Variants in PLXND1 observed in about 807,000 individuals in gnomAD.
PLXND1 encodes the protein plexin-D1.
PLXND1 carries 54 observed loss-of-function variants against 197.7 expected under a neutral mutation model. The ratio of observed to expected loss-of-function variants is 0.27; its 90% CI spans 0.22 to 0.34. PLXND1 has a LOEUF of 0.34. PLXND1 is among the 10% of genes least tolerant of loss of function. The pLI is 1.00. For synonymous variants in PLXND1, 1,180 were observed against 1,161.2 expected (o/e 1.02, Z -0.33); for missense variants, 2,127 against 2,699.2 (o/e 0.79, Z 4.70).
chr3:129,556,390 C>G lies in PLXND1; in HGVS notation c.5700G>C (p.Arg1900Ser). The G allele has an allele frequency of 6.2e-7, 1 of 1,614,210 alleles. No individual in the cohort carries two copies. Among genetic ancestry groups the G allele is most frequent in the South Asian group, 1.1e-5 (1 of 91,076 alleles). Reference protein sequence around the residue: ...AALEANPTARRTQLQHKFEQV... With the variant: ...AALEANPTARSTQLQHKFEQV... ...GCTCAAACTTGTGCTGCAGTTGTGT[C>G]CTCCGGGCCGTGGGGTTGGCCTCCA... Residue 1900 changes from arginine (R) to serine (S), a missense_variant, in exon 36 of 36, where the codon AGG (arginine) becomes AGC (serine). By Grantham distance (110) the Arg-to-Ser change is moderately radical. Coordinates refer to ENST00000324093, the MANE Select transcript of PLXND1 (RefSeq NM_015103.3).
At position 129,557,109 on chromosome 3, in the gene PLXND1, T is replaced by C; in HGVS notation, c.5560A>G (p.Asn1854Asp). Reference protein sequence around the residue: ...DMTPLSEQEMNAHLAEESRKY... With the variant: ...DMTPLSEQEMDAHLAEESRKY... ...CTCGACTCCTCGGCCAGATGGGCAT[T>C]CATCTCTTGCTCGCTGAGCGGCGTC... is the stretch of plus-strand genomic sequence containing the variant. Residue 1854 changes from asparagine (N) to aspartate (D), a missense_variant, in exon 34 of 36, where the codon AAT becomes GAT. By Grantham distance (23) the Asn-to-Asp change is conservative. Around this residue, in one of 6 missense-constraint regions of PLXND1, gnomAD observed 200 missense variants for 303.3 expected, o/e 0.66. Coordinates refer to ENST00000324093, the MANE Select transcript of PLXND1 (RefSeq NM_015103.3). The surrounding 1 kb of genome is among the most constrained non-coding windows in gnomAD (Gnocchi z 4.8). The C allele has an allele frequency of 6.2e-7, 1 of 1,614,084 alleles. No homozygotes were observed. Among genetic ancestry groups the C allele is most frequent in the Non-Finnish European group, 8.5e-7 (1 of 1,180,022 alleles).
chr3:129,586,824 C>T (rs932545166), intron 2 of PLXND1, 105 bp from the exon 3 acceptor site: 1 of 1,355,184 alleles, frequency 7.4e-7, no homozygotes, highest in African/African-American at 1.4e-5. Context: ...CCCATCCTGT[C>T]TTGGACCCTT....
intron 30 of PLXND1, 95 bp from the exon 31 acceptor site, chr3:129,560,529 GCTGTGGTT>G: frequency 1.0e-6 from 1 of 994,338 alleles, no homozygotes; most frequent in Non-Finnish European, 1.6e-6. Context: ...GCACACAAGG[GCTGTGGTT>G]CCCTCCTGAT....
In PLXND1 at chr3:129,570,834, G is replaced by A. The variant is rs759997113; in HGVS notation, c.3702C>T (p.Cys1234=). The A allele has an allele frequency of 1.9e-6, 3 of 1,614,212 alleles. No individual in the cohort carries two copies. The East Asian group carries it at 6.7e-5, about 36-fold the overall frequency. ...CCGCGCCCAGGGACTCGTTGACCGA[G>A]CAGTGGATGATTCTGTCAGAGACAA... ...IQIVSDRIIH[C]SVNESLGAAV... The change falls in exon 19 of 36, where the codon TGC becomes TGT. Residue 1234 remains cysteine (C), a synonymous_variant. Coordinates refer to ENST00000324093, the MANE Select transcript of PLXND1 (RefSeq NM_015103.3).
intron 1 of PLXND1, among the ~76,000 whole-genome samples, chr3:129,602,344 T>G (rs2085721505): frequency 6.6e-6 from 1 of 152,138 alleles, no homozygotes; most frequent in African/African-American, 2.4e-5. Context: ...GCAGACCCCC[T>G]CGAGCCTGCT....
intron 4 of PLXND1, 43 bp downstream of exon 4, chr3:129,586,129 C>A (rs745992570): frequency 1.2e-6 from 2 of 1,612,034 alleles, no homozygotes; most frequent in South Asian, 2.2e-5. Context: ...CCTCCCACCC[C>A]CACAGCCCTC....
At chr3:129,570,695 T>A in intron 19 of PLXND1, 91 bp downstream of exon 19, 1 of 1,294,198 alleles carries the variant, frequency 7.7e-7, no homozygotes, top group Non-Finnish European at 1.1e-6. Context: ...AAACGCTCAG[T>A]GAATTCAGGT....
In PLXND1 at chr3:129,573,690, C is replaced by T; in HGVS notation, c.2741G>A (p.Arg914Lys). The T allele has an allele frequency of 1.9e-6, 3 of 1,613,792 alleles. No homozygotes were observed. Among genetic ancestry groups the T allele is most frequent in the Non-Finnish European group, 2.5e-6 (3 of 1,180,024 alleles). The change falls in exon 13 of 36, where the codon AGG becomes AAG. Residue 914 changes from arginine to lysine, a missense_variant. Coordinates refer to ENST00000324093, the MANE Select transcript of PLXND1 (RefSeq NM_015103.3). ...GTCACTGAGCCGCCGGCCCAGGTTC[C>T]TTCCTCGGATGGTCAGCAGGGTCCC... is the stretch of plus-strand genomic sequence containing the variant. ...DGGTLLTIRG[R>K]NLGRRLSDVA...
At chr3:129,569,762 T>C (rs2085195755) in intron 20 of PLXND1, 81 bp downstream of exon 20, 2 of 786,192 alleles carry the variant, frequency 2.5e-6, no homozygotes, top group Admixed American at 3.8e-5. Flanking sequence ...TCCTGCCTTC[T>C]CCCATCTGCC....
In PLXND1 at chr3:129,557,524, A is replaced by C. The variant is rs1177009892; in HGVS notation, c.5446-301T>G. Among the ~76,000 whole-genome samples, 2 of 152,084 alleles carry C rather than the reference A, an allele frequency of 1.3e-5. No homozygotes were observed. The highest frequency in any genetic ancestry group is 2.9e-5 in the Non-Finnish European group (2 of 68,030). The stretch of plus-strand genomic sequence containing the variant: ...CACGGGCATGCCAGCTCTTCACTGC[A>C]CGCAGCCCATTCCACGTAACAAGGA... On this transcript the variant is annotated intron_variant, in intron 33 of 35. Coordinates refer to ENST00000324093, the MANE Select transcript of PLXND1 (RefSeq NM_015103.3). The surrounding 1 kb of genome is among the most constrained non-coding windows in gnomAD (Gnocchi z 4.8).
At chr3:129,572,521 G>A (rs1454612751) in intron 15 of PLXND1, 88 bp downstream of exon 15, 3 of 1,198,898 alleles carry the variant, frequency 2.5e-6, no homozygotes, top group African/African-American at 3.1e-5. Flanking sequence ...AGAGAGGCTT[G>A]GCTCAAGGAT....
intron 1 of PLXND1, among the ~76,000 whole-genome samples, chr3:129,595,612 G>A (rs2085608772): frequency 1.3e-5 from 2 of 152,196 alleles, no homozygotes; most frequent in Admixed American, 1.3e-4. Context: ...GGACACAGCA[G>A]CTCTGGCAGA....
Position 129,556,238 on chromosome 3 carries a change from G to T in PLXND1, c.*74C>A. On this transcript the variant is annotated 3_prime_UTR_variant, in exon 36 of 36. Coordinates refer to ENST00000324093, the MANE Select transcript of PLXND1 (RefSeq NM_015103.3). ...TTTCCCAGTCTGAGTCACAGGCACG[G>T]GGTAGAAGATCAAGTTGAGGCCCAG... 1.0e-6 allele frequency: 1 copy of T among 985,428 alleles called. No individual in the cohort carries two copies. The highest frequency in any genetic ancestry group is 1.6e-6 in the Non-Finnish European group (1 of 615,368). 61.0% of individuals were successfully genotyped at this position (985,428 alleles called of 1,614,324 possible). A position where few individuals can be genotyped will look rare whatever the true frequency, so the allele number is the denominator to read the frequency against.
chr3:129,589,313 C>CCCCCCCCCCCCCCCCCCAA, intron 2 of PLXND1, 38 bp downstream of exon 2: 1 of 592,308 alleles, frequency 1.7e-6, no homozygotes, highest in East Asian at 4.2e-5. Flanking sequence ...GGGAGCCTCC[C>CCCCCCCCCCCCCCCCCCAA]ACCCCCACCC....
At chr3:129,564,681 A>G (rs1269769039) in intron 25 of PLXND1, among the ~76,000 whole-genome samples, 1 of 152,242 alleles carries the variant, frequency 6.6e-6, no homozygotes, top group Admixed American at 6.5e-5. Flanking sequence ...GGCAGAGTGC[A>G]GGAGGCCCTG....
Position 129,605,425 on chromosome 3 carries a change from G to T in PLXND1, c.1215C>A (p.Thr405=), listed in dbSNP as rs1162053691. The stretch of plus-strand genomic sequence containing the variant: ...CGGGCGCCGGTTCCACGAAGCAGGC[G>T]GTGCGCGCAGCTCGGATGGCGGCTC... ...DVRAAIRAAR[T]ACFVEPAPDV... is the part of the protein sequence containing the mutation. The change falls in exon 1 of 36, where the codon ACC becomes ACA. Residue 405 remains threonine (T), a synonymous_variant. Coordinates refer to ENST00000324093, the MANE Select transcript of PLXND1 (RefSeq NM_015103.3). The T allele has an allele frequency of 2.7e-6, 4 of 1,501,070 alleles. No individual in the cohort carries two copies. The highest frequency in any genetic ancestry group is 2.6e-6 in the Non-Finnish European group (3 of 1,132,716). 93.0% of individuals were successfully genotyped at this position (1,501,070 alleles called of 1,614,324 possible). A position where few individuals can be genotyped will look rare whatever the true frequency, so the allele number is the denominator to read the frequency against.
At chr3:129,583,144 C>T (rs376806661) in intron 8 of PLXND1, among the ~76,000 whole-genome samples, 21 of 152,296 alleles carry the variant, frequency 1.4e-4, no homozygotes, top group African/African-American at 4.3e-4. Context: ...TGACCTTAAG[C>T]GAATCACCTC....
intron 12 of PLXND1, 70 bp downstream of exon 12, chr3:129,574,266 A>T: frequency 7.0e-7 from 1 of 1,425,290 alleles, no homozygotes; most frequent in Admixed American, 2.5e-5. Context: ...AAGAAGTGGG[A>T]CCCTCGAGGG....
intron 27 of PLXND1, 168 bp downstream of exon 27, chr3:129,562,619 T>G (rs1314429649): frequency 1.7e-6 from 1 of 591,888 alleles, no homozygotes; most frequent in East Asian, 2.8e-5. Flanking sequence ...ACTGCAGGAC[T>G]TGTCTCCTAC....
Sources: gnomAD v4.1 joint callset for allele counts (sites outside exome capture counted in the v4.1 genomes callset) on GRCh38, gnomAD v4.1.1 for gene constraint, gnomAD v4.1.1 regional missense constraint, Gnocchi (gnomAD v3.1) non-coding constraint, MANE v1.5 for transcripts, NCBI Gene and HGNC (gene_info 2026-07-23, HGNC 2026-07-21) for gene names.